BPGM: variants seen among roughly 807,000 people sequenced by gnomAD.
BPGM encodes the protein 2,3-bisphosphoglycerate mutase, erythrocyte.
BPGM carries 15 observed loss-of-function variants against 21.6 expected under a neutral mutation model. The observed-to-expected ratio is 0.70, with a 90% CI of 0.47 to 1.07. BPGM has a LOEUF of 1.07. Among genes scored for constraint, BPGM ranks in the 50% least tolerant of loss-of-function variants. BPGM has a pLI of 0.00. For missense variants in BPGM, 273 were observed against 319.0 expected (o/e 0.86, Z 1.10); for synonymous variants, 113 against 116.2 (o/e 0.97, Z 0.18).
At chr7:134,652,572 T>C (rs1401348644) in intron 1 of BPGM, among the ~76,000 whole-genome samples, 2 of 152,204 alleles carry the variant, frequency 1.3e-5, no homozygotes, top group East Asian at 1.9e-4. Flanking sequence ...ACTGATCTTA[T>C]TTATTCTAAC....
intron 1 of BPGM, among the ~76,000 whole-genome samples, chr7:134,653,589 C>T (rs1795589971): frequency 6.6e-6 from 1 of 152,178 alleles, no homozygotes; most frequent in South Asian, 2.1e-4. Flanking sequence ...TCTTTCTAGG[C>T]TAGTCTTCTC....
chr7:134,667,717 G>T (rs969302137), intron 2 of BPGM, among the ~76,000 whole-genome samples: 1 of 152,114 alleles, frequency 6.6e-6, no homozygotes, highest in Admixed American at 6.6e-5. Flanking sequence ...GTTCCAAGCC[G>T]TGCTTTCTAG....
intron 1 of BPGM, among the ~76,000 whole-genome samples, chr7:134,657,298 G>C (rs1260775338): frequency 6.6e-6 from 1 of 152,210 alleles, no homozygotes; most frequent in Non-Finnish European, 1.5e-5. Context: ...TCTGCATAGG[G>C]TACAGTGTGT....
intron 1 of BPGM, 55 bp downstream of exon 1, chr7:134,646,992 G>A (rs1423296609): frequency 6.1e-6 from 1 of 163,666 alleles, no homozygotes; most frequent in Non-Finnish European, 1.4e-5. Flanking sequence ...TTAGTGATGT[G>A]ATGTTTTATT....
chr7:134,648,212 C>A (rs1048383015), intron 1 of BPGM, among the ~76,000 whole-genome samples: 1 of 146,594 alleles, frequency 6.8e-6, no homozygotes, highest in East Asian at 2.1e-4. Context: ...ATTGGCTCAC[C>A]GCAACCTCCG....
At chr7:134,649,142 CTT>C (rs1166166560) in intron 1 of BPGM, among the ~76,000 whole-genome samples, 1 of 151,576 alleles carries the variant, frequency 6.6e-6, no homozygotes, top group Non-Finnish European at 1.5e-5. Flanking sequence ...CAATTGTACT[CTT>C]TTAGTTATTT....
Position 134,661,360 on chromosome 7 carries a change from T to C in BPGM, c.-61-87T>C. 1 of 1,169,908 alleles carries C rather than the reference T, an allele frequency of 8.5e-7. No homozygotes were observed. The highest frequency in any genetic ancestry group is 1.2e-6 in the Non-Finnish European group (1 of 814,406). 72.5% of individuals were successfully genotyped at this position (1,169,908 alleles called of 1,614,324 possible). ...ACTGTTCAAAGGGATTTCAGTTTCT[T>C]TTAGAAATTGGGTGTTGTAAAGCGA... On this transcript the variant is annotated intron_variant, in intron 1 of 2. Coordinates refer to ENST00000344924, the MANE Select transcript of BPGM (RefSeq NM_001724.5). The surrounding 1 kb of genome is among the most constrained non-coding windows in gnomAD (Gnocchi z 4.6).
At chr7:134,675,874 C>T (rs998844889) in intron 2 of BPGM, among the ~76,000 whole-genome samples, 10 of 152,112 alleles carry the variant, frequency 6.6e-5, no homozygotes, top group Non-Finnish European at 1.5e-4. Flanking sequence ...TTTAGGTTTT[C>T]TTTCATTTGA....
intron 2 of BPGM, among the ~76,000 whole-genome samples, chr7:134,669,246 C>T (rs761019214): frequency 1.3e-5 from 2 of 152,164 alleles, no homozygotes; most frequent in African/African-American, 4.8e-5. Context: ...TTTCTCAAGG[C>T]TTCAGGAGCC....
intron 2 of BPGM, among the ~76,000 whole-genome samples, chr7:134,676,304 A>G (rs931136679): frequency 6.6e-6 from 1 of 152,252 alleles, no homozygotes; most frequent in Non-Finnish European, 1.5e-5. Context: ...GCACACATCT[A>G]TGAGTGGTGA....
chr7:134,648,610 A>G (rs1795507329), intron 1 of BPGM, among the ~76,000 whole-genome samples: 2 of 152,082 alleles, frequency 1.3e-5, no homozygotes, highest in Non-Finnish European at 2.9e-5. Context: ...AATCAAGAAC[A>G]TTGGCTTTAG....
rs116208511 is a variant in BPGM at position 134,672,661 on chromosome 7, A to G, written c.602-6192A>G. Among the ~76,000 whole-genome samples the G allele has an allele frequency of 9.8e-3, 1,488 of 152,298 alleles. 27 individuals are homozygous for G. The highest frequency in any genetic ancestry group is 0.034 in the African/African-American group (1,402 of 41,574). On this transcript the variant is annotated intron_variant, in intron 2 of 2. Transcript: ENST00000344924. The stretch of plus-strand genomic sequence containing the variant: ...TTCACTTATACATGGATTTTTTCCC[A>G]AAACAACTTGGATCAAAAATACTAC...
chr7:134,667,946 TA>T (rs1795844734), intron 2 of BPGM, among the ~76,000 whole-genome samples: 1 of 152,204 alleles, frequency 6.6e-6, no homozygotes, highest in Non-Finnish European at 1.5e-5. Context: ...TGACCCCAGT[TA>T]AATAACTAAT....
intron 1 of BPGM, among the ~76,000 whole-genome samples, chr7:134,648,093 T>TGGG (rs1795491374): frequency 7.2e-6 from 1 of 139,198 alleles, no homozygotes; most frequent in Non-Finnish European, 1.6e-5. Context: ...CCACCGTGCC[T>TGGG]GGCCTTGTCT....
At chr7:134,667,857 C>T (rs774633896) in intron 2 of BPGM, among the ~76,000 whole-genome samples, 7 of 152,072 alleles carry the variant, frequency 4.6e-5, no homozygotes, top group South Asian at 2.1e-4. Flanking sequence ...AGTGTGGTAA[C>T]GGATAGCATC....
intron 1 of BPGM, among the ~76,000 whole-genome samples, chr7:134,647,861 G>A (rs983901659): frequency 2.0e-5 from 3 of 152,058 alleles, no homozygotes; most frequent in Non-Finnish European, 4.4e-5. Flanking sequence ...GCAGTGGCTC[G>A]ATCTCGGTTC....
At chr7:134,650,786 G>C (rs2347690) in intron 1 of BPGM, among the ~76,000 whole-genome samples, 1 of 152,006 alleles carries the variant, frequency 6.6e-6, no homozygotes, top group Non-Finnish European at 1.5e-5. Context: ...TTAGCCGGGC[G>C]TGGTGACGGT....
chr7:134,674,423 A>C lies in BPGM; in HGVS notation c.602-4430A>C, dbSNP rs373962938. Among the ~76,000 whole-genome samples, 213 of 152,172 alleles carry C rather than the reference A, an allele frequency of 1.4e-3. 4 individuals are homozygous for C. The South Asian group carries it at 0.042, about 30-fold the overall frequency. On this transcript the variant is annotated intron_variant, in intron 2 of 2. Transcript: ENST00000344924. ...CCCCAGTTCCTCCCCTATTCCACCC[A>C]GCCCTGGGCAACAACTAATCTACTT...
intron 2 of BPGM, among the ~76,000 whole-genome samples, chr7:134,665,639 AAAAATT>A (rs1795806437): frequency 4.1e-5 from 1 of 24,430 alleles, no homozygotes; most frequent in Non-Finnish European, 6.1e-5. Flanking sequence ...AAAATAAAAT[AAAAATT>A]AATGAAAAAA....
Sources: allele counts gnomAD v4.1 joint callset (sites outside exome capture counted in the v4.1 genomes callset), GRCh38; gene constraint gnomAD v4.1.1; non-coding constraint Gnocchi (gnomAD v3.1); transcripts MANE v1.5; gene names NCBI Gene and HGNC (gene_info 2026-07-23, HGNC 2026-07-21).